KATNAL1: variants seen among roughly 807,000 people sequenced by gnomAD.
KATNAL1 encodes the protein katanin catalytic subunit A1 like 1, also known as katanin p60 ATPase-containing subunit A-like 1.
Under a neutral mutation model 55.2 loss-of-function variants are expected in KATNAL1, and 32 were observed. The observed-to-expected ratio is 0.58, with a 90% CI of 0.44 to 0.78. The LOEUF (loss-of-function observed/expected upper bound fraction) is 0.78. KATNAL1 is among the 30% of genes least tolerant of loss of function. KATNAL1 has a pLI of 0.00. For missense variants in KATNAL1, 466 were observed against 600.9 expected (o/e 0.78, Z 2.35); for synonymous variants, 193 against 193.6 (o/e 1.00, Z 0.02).
intron 3 of KATNAL1, among the ~76,000 whole-genome samples, chr13:30,269,411 T>C (rs1029429078): frequency 1.3e-5 from 2 of 152,216 alleles, no homozygotes; most frequent in Admixed American, 6.5e-5. Flanking sequence ...TGGAGTGCAG[T>C]GGCGTGATCT....
chr13:30,279,429 A>G (rs993171424), intron 3 of KATNAL1, among the ~76,000 whole-genome samples: 4 of 152,184 alleles, frequency 2.6e-5, no homozygotes, highest in African/African-American at 9.7e-5. Flanking sequence ...AGTTGAGTTG[A>G]GACTTGAATG....
At chr13:30,265,395 AAAAT>A (rs1361947599) in intron 3 of KATNAL1, among the ~76,000 whole-genome samples, 2 of 128,642 alleles carry the variant, frequency 1.6e-5, no homozygotes, top group African/African-American at 2.6e-5. Context: ...TAAAAAATAA[AAAAT>A]AAAAAAATTA....
intron 2 of KATNAL1, 70 bp downstream of exon 2, chr13:30,283,546 C>T (rs1048177521): frequency 1.7e-5 from 23 of 1,374,000 alleles, no homozygotes; most frequent in Admixed American, 2.2e-5. Context: ...TTAGATTTTC[C>T]AACTCTAATC....
At chr13:30,235,702 T>C (rs1876587150) in intron 6 of KATNAL1, among the ~76,000 whole-genome samples, 1 of 152,240 alleles carries the variant, frequency 6.6e-6, no homozygotes, top group Non-Finnish European at 1.5e-5. Context: ...TCTCGCCCTG[T>C]AAGTTTCTCC....
intron 9 of KATNAL1, among the ~76,000 whole-genome samples, chr13:30,220,317 TG>T (rs1413502997): frequency 1.3e-5 from 2 of 151,870 alleles, no homozygotes; most frequent in African/African-American, 4.8e-5. Context: ...CAAAGTTAGC[TG>T]GGTGTGGGGT....
chr13:30,279,912 C>A (rs1260665738), intron 3 of KATNAL1, 151 bp downstream of exon 3: 2 of 663,646 alleles, frequency 3.0e-6, no homozygotes, highest in South Asian at 2.6e-5. Context: ...TTATCAAATA[C>A]AAAACTGTAA....
chr13:30,225,647 TACACACACACAC>T (rs57630828), intron 9 of KATNAL1, among the ~76,000 whole-genome samples: 51 of 146,742 alleles, frequency 3.5e-4, no homozygotes, highest in Middle Eastern at 3.5e-3. Flanking sequence ...ATGACTCATC[TACACACACACAC>T]ACACACACAC....
At chr13:30,283,912 A>G in intron 1 of KATNAL1, 121 bp from the exon 2 acceptor site, 3 of 661,360 alleles carry the variant, frequency 4.5e-6, no homozygotes, top group Non-Finnish European at 7.2e-6. Context: ...GACTCACTTT[A>G]TTGCCCAGAT....
chr13:30,271,064 G>C (rs1226589278), intron 3 of KATNAL1, among the ~76,000 whole-genome samples: 3 of 152,214 alleles, frequency 2.0e-5, no homozygotes, highest in African/African-American at 7.2e-5. Context: ...GAGGGCATTT[G>C]CCATGTGAAC....
At position 30,203,567 on chromosome 13, in the gene KATNAL1, T is replaced by G. The variant is rs902746714; in HGVS notation, c.*4973A>C. 6.6e-6 allele frequency: 1 copy of G among 152,204 alleles called. No homozygotes were observed. The highest frequency in any genetic ancestry group is 1.5e-5 in the Non-Finnish European group (1 of 68,036). The allele number at this position is 152,204 out of a possible 1,614,324, so 9.4% of individuals were successfully genotyped here. ...ATTCCCTATTTTTTTGTGTCAAATT[T>G]CCATATGTACAAAAACCTACACACT... On this transcript the variant is annotated 3_prime_UTR_variant, in exon 11 of 11. Transcript: ENST00000380615.
At chr13:30,224,847 T>C (rs1875282120) in intron 9 of KATNAL1, among the ~76,000 whole-genome samples, 1 of 152,212 alleles carries the variant, frequency 6.6e-6, no homozygotes, top group South Asian at 2.1e-4. Flanking sequence ...TAGATTTGTA[T>C]TATGCCAACT....
At chr13:30,217,800 C>T (rs1874438579) in intron 9 of KATNAL1, among the ~76,000 whole-genome samples, 1 of 152,126 alleles carries the variant, frequency 6.6e-6, no homozygotes, top group Non-Finnish European at 1.5e-5. Flanking sequence ...TGAGTTGATG[C>T]ATGCAAAGCC....
intron 3 of KATNAL1, among the ~76,000 whole-genome samples, chr13:30,262,185 A>C (rs896949096): frequency 3.0e-4 from 45 of 151,888 alleles, no homozygotes; most frequent in African/African-American, 1.0e-3. Context: ...ACAAAGACAC[A>C]ACATACCAGA....
chr13:30,301,483 C>T (rs117658436), intron 1 of KATNAL1, among the ~76,000 whole-genome samples: 136 of 152,296 alleles, frequency 8.9e-4, no homozygotes, highest in Non-Finnish European at 1.5e-3. Flanking sequence ...CCAAGTAATA[C>T]GATAAAAATG....
At position 30,208,161 on chromosome 13, in the gene KATNAL1, T is replaced by C. The variant is rs1269738298; in HGVS notation, c.*379A>G. ...GATGTTAAAAGTCAACATACATAGATAGGTCCCTCATGTTGACAGAGCACA... is the reference window on the plus strand; with the variant it reads ...GATGTTAAAAGTCAACATACATAGACAGGTCCCTCATGTTGACAGAGCACA... On this transcript the variant is annotated 3_prime_UTR_variant, in exon 11 of 11. Transcript: ENST00000380615. The C allele has an allele frequency of 6.3e-6, 1 of 159,604 alleles. No individual in the cohort carries two copies. The highest frequency in any genetic ancestry group is 1.4e-5 in the Non-Finnish European group (1 of 73,262). The allele number at this position is 159,604 out of a possible 1,614,324, so 9.9% of individuals were successfully genotyped here.
At chr13:30,228,134 CATGTAT>C (rs1248503253) in intron 8 of KATNAL1, among the ~76,000 whole-genome samples, 19 of 152,048 alleles carry the variant, frequency 1.2e-4, no homozygotes, top group Non-Finnish European at 1.0e-4. Context: ...AAACCAACTA[CATGTAT>C]ATACACAGTG....
rs762924589 is a variant in KATNAL1 at position 30,210,305 on chromosome 13, T to TA, written c.1274+10dup. 4.4e-6 allele frequency: 7 copies of TA among 1,579,064 alleles called. No individual in the cohort carries two copies. The highest frequency in any genetic ancestry group is 6.0e-6 in the Non-Finnish European group (7 of 1,166,990). ...ACTAATGTCTAAAATCACAGATCAT[T>TA]AAAAAAATACCTGCAAACATTAGTG... On this transcript the variant is annotated intron_variant, in intron 10 of 10. Transcript: ENST00000380615.
At position 30,205,060 on chromosome 13, in the gene KATNAL1, T is replaced by A. The variant is rs1237916506; in HGVS notation, c.*3480A>T. The A allele has an allele frequency of 1.3e-5, 2 of 152,172 alleles. No homozygotes were observed. The highest frequency in any genetic ancestry group is 2.9e-5 in the Non-Finnish European group (2 of 68,032). 9.4% of individuals were successfully genotyped at this position (152,172 alleles called of 1,614,324 possible). ...TATAATAAACAGGCAGCTTGGGAAA[T>A]GGTAAAAATTGTTCATTAAAATAGA... On this transcript the variant is annotated 3_prime_UTR_variant, in exon 11 of 11. Transcript: ENST00000380615.
intron 1 of KATNAL1, among the ~76,000 whole-genome samples, chr13:30,303,525 A>G (rs996154617): frequency 2.6e-5 from 4 of 152,242 alleles, no homozygotes; most frequent in African/African-American, 7.2e-5. Context: ...TGACTGCACC[A>G]TTGCATTCCA....
Sources: gnomAD v4.1 joint callset for allele counts (sites outside exome capture counted in the v4.1 genomes callset) on GRCh38, gnomAD v4.1.1 for gene constraint, MANE v1.5 for transcripts, NCBI Gene and HGNC (gene_info 2026-07-23, HGNC 2026-07-21) for gene names.